ATP13A3: variants seen among roughly 807,000 people sequenced by gnomAD.
ATP13A3 encodes the protein polyamine-transporting ATPase 13A3.
Under a neutral mutation model 158.1 loss-of-function variants are expected in ATP13A3, and 59 were observed. That is an observed-to-expected ratio of 0.37 (90% CI 0.30 to 0.46). The LOEUF (loss-of-function observed/expected upper bound fraction) is 0.46, where lower values mean the gene tolerates loss of function less well. Ranked by LOEUF, ATP13A3 falls within the 20% of genes least tolerant of loss-of-function variation. ATP13A3 has a pLI of 1.00. For synonymous variants in ATP13A3, 491 were observed against 504.3 expected (o/e 0.97, Z 0.35); for missense variants, 1,166 against 1,525.2 (o/e 0.76, Z 3.92).
At chr3:194,436,761 T>C (rs1717666496) in intron 20 of ATP13A3, among the ~76,000 whole-genome samples, 1 of 152,176 alleles carries the variant, frequency 6.6e-6, no homozygotes, top group Non-Finnish European at 1.5e-5. Context: ...GGCACAAGAA[T>C]TGCTTGAACC....
At chr3:194,409,567 AG>A (rs1404292423) in intron 33 of ATP13A3, among the ~76,000 whole-genome samples, 7 of 152,290 alleles carry the variant, frequency 4.6e-5, no homozygotes, top group African/African-American at 1.7e-4. Flanking sequence ...CTCCTGAAAC[AG>A]GGTTGCTTTA....
intron 28 of ATP13A3, among the ~76,000 whole-genome samples, chr3:194,428,289 A>G (rs193180141): frequency 6.6e-6 from 1 of 152,172 alleles, no homozygotes; most frequent in African/African-American, 2.4e-5. Context: ...TTGTGAAAAG[A>G]TACTTTGAGA....
At chr3:194,484,137 C>T (rs1206400448) in intron 2 of ATP13A3, among the ~76,000 whole-genome samples, 1 of 152,098 alleles carries the variant, frequency 6.6e-6, no homozygotes, top group Non-Finnish European at 1.5e-5. Flanking sequence ...TACAACTAAC[C>T]TTATAAACCC....
intron 14 of ATP13A3, among the ~76,000 whole-genome samples, 186 bp downstream of exon 14, chr3:194,446,741 T>C (rs1718436306): frequency 6.6e-6 from 1 of 152,218 alleles, no homozygotes. Flanking sequence ...AACCTATCAG[T>C]AATGTTAAGT....
intron 3 of ATP13A3, among the ~76,000 whole-genome samples, chr3:194,461,751 C>G (rs536393551): frequency 4.6e-5 from 7 of 152,144 alleles, no homozygotes; most frequent in East Asian, 1.9e-4. Flanking sequence ...CTGGCTCCCC[C>G]CAACAAAAAG....
intron 21 of ATP13A3, 63 bp from the exon 22 acceptor site, chr3:194,431,955 G>C: frequency 7.5e-7 from 1 of 1,329,830 alleles, no homozygotes; most frequent in East Asian, 2.7e-5. Flanking sequence ...TATCAAACAT[G>C]TACTTGCTGA....
chr3:194,450,956 C>T (rs1210075541), intron 10 of ATP13A3: 1 of 152,162 alleles, frequency 6.6e-6, no homozygotes, highest in Admixed American at 6.5e-5. Context: ...ATGAAAAGAT[C>T]TTCCGAAGGG....
At chr3:194,438,822 C>A in intron 17 of ATP13A3, 34 bp downstream of exon 17, 1 of 1,330,956 alleles carries the variant, frequency 7.5e-7, no homozygotes, top group Non-Finnish European at 1.0e-6. Context: ...AAGTAACCAC[C>A]AACAGTTTTA....
chr3:194,433,144 G>T (rs1400225503), intron 21 of ATP13A3, among the ~76,000 whole-genome samples: 1 of 150,166 alleles, frequency 6.7e-6, no homozygotes, highest in Admixed American at 6.6e-5. Context: ...ATAACACAAG[G>T]TACAATAAGT....
At position 194,428,896 on chromosome 3, in the gene ATP13A3, A is replaced by C. The variant is rs780910960; in HGVS notation, c.2896T>G (p.Phe966Val). 45 of 1,595,372 alleles carry C rather than the reference A, an allele frequency of 2.8e-5. No homozygotes were observed. Among genetic ancestry groups the C allele is most frequent in the Non-Finnish European group, 3.6e-5 (42 of 1,166,268 alleles). The change falls in exon 28 of 34, where the codon TTC becomes GTC. Residue 966 changes from phenylalanine (F) to valine (V), a missense_variant. By Grantham distance (50) the Phe-to-Val change is conservative. Coordinates refer to ENST00000645319, the MANE Select transcript of ATP13A3 (RefSeq NM_001367549.1). ...LYSILSNLGD[F>V]QFLFIDLAII... ...GCCAGATCAATGAAGAGAAACTGGA[A>C]GTCTCCTAGGTTACTTAAGATCTAC...
chr3:194,489,400 G>T (rs540582954), upstream of ATP13A3, among the ~76,000 whole-genome samples: 1 of 152,062 alleles, frequency 6.6e-6, no homozygotes, highest in Non-Finnish European at 1.5e-5. This position sits in a 1 kb window ranked among gnomAD's most constrained non-coding sequence, Gnocchi z 4.1. Context: ...CTGAGATTGC[G>T]CCATTGCACT....
chr3:194,457,276 CT>C, intron 6 of ATP13A3, 102 bp from the exon 7 acceptor site: 1 of 752,038 alleles, frequency 1.3e-6, no homozygotes, highest in Non-Finnish European at 2.2e-6. Flanking sequence ...GTGTGACTTC[CT>C]TACAAATCCT....
intron 33 of ATP13A3, among the ~76,000 whole-genome samples, chr3:194,410,310 A>AAC (rs1553794148): frequency 7.1e-6 from 1 of 141,738 alleles, no homozygotes; most frequent in Non-Finnish European, 1.5e-5. Context: ...AAAAAAAAAA[A>AAC]AAAAAAAAAA....
chr3:194,410,673 T>G (rs1715340738), intron 33 of ATP13A3, among the ~76,000 whole-genome samples: 1 of 152,152 alleles, frequency 6.6e-6, no homozygotes, highest in Admixed American at 6.6e-5. Flanking sequence ...AGGAGAGTCT[T>G]CCAATCCAAA....
At chr3:194,414,925 G>A (rs566997700) in intron 31 of ATP13A3, among the ~76,000 whole-genome samples, 13 of 152,198 alleles carry the variant, frequency 8.5e-5, no homozygotes, top group Non-Finnish European at 1.6e-4. Context: ...AGGGTATAAA[G>A]GTTGGGAGCC....
intron 21 of ATP13A3, 91 bp from the exon 22 acceptor site, chr3:194,431,983 C>T (rs544327839): frequency 8.6e-6 from 9 of 1,045,060 alleles, no homozygotes; most frequent in South Asian, 4.6e-5. Context: ...CTACAGTCTC[C>T]ATGACTGGGC....
At position 194,437,331 on chromosome 3, in the gene ATP13A3, C is replaced by A. The variant is rs746693356; in HGVS notation, c.1979G>T (p.Gly660Val). Residue 660 changes from glycine (G) to valine (V), a missense_variant, in exon 19 of 34, where the codon GGT becomes GTT. This residue lies in a region of ATP13A3 where 997 missense variants were observed against 1,341.2 expected (regional missense o/e 0.74). Transcript: ENST00000645319. Reference protein sequence around the residue: ...YMKGAPEAIAGLCKPETVPVD... With the variant: ...YMKGAPEAIAVLCKPETVPVD... ...CTTACCTGTTTCAGGTTTACAGAGA[C>A]CGGCAATGGCCTCGGGCGCTCCTTT... The A allele has an allele frequency of 3.1e-6, 5 of 1,614,076 alleles. No individual in the cohort carries two copies. The African/African-American group carries it at 4.0e-5, about 13-fold the overall frequency.
rs768716858 is a variant in ATP13A3, at chr3:194,459,569, A to T, written c.409-28T>A. ...GTGGAACACAAATAAACGTTACACCAAAAAGCATATAATCACTTGTGATAT... is the reference window on the plus strand; with the variant it reads ...GTGGAACACAAATAAACGTTACACCTAAAAGCATATAATCACTTGTGATAT... On this transcript the variant is annotated intron_variant, in intron 5 of 33. Coordinates refer to ENST00000645319, the MANE Select transcript of ATP13A3 (RefSeq NM_001367549.1). 1.5e-5 allele frequency: 23 copies of T among 1,540,080 alleles called. No individual in the cohort carries two copies. Among genetic ancestry groups the T allele is most frequent in the Non-Finnish European group, 2.0e-5 (22 of 1,114,690 alleles).
intron 20 of ATP13A3, among the ~76,000 whole-genome samples, chr3:194,434,805 A>G (rs1444248921): frequency 6.6e-6 from 1 of 152,136 alleles, no homozygotes; most frequent in Non-Finnish European, 1.5e-5. Flanking sequence ...CTGCAGTCCC[A>G]CTACTTGGAA....
Sources: allele counts gnomAD v4.1 joint callset (sites outside exome capture counted in the v4.1 genomes callset), GRCh38; gene constraint gnomAD v4.1.1; regional missense constraint gnomAD v4.1.1; non-coding constraint Gnocchi (gnomAD v3.1); transcripts MANE v1.5; gene names NCBI Gene and HGNC (gene_info 2026-07-23, HGNC 2026-07-21).